Variants in MMP26 observed in about 807,000 individuals in gnomAD.
MMP26 encodes the protein matrix metalloproteinase-26.
In MMP26, 33 loss-of-function variants were observed where a neutral mutation model predicts 31.0. The ratio of observed to expected loss-of-function variants is 1.06; its 90% CI spans 0.81 to 1.42. The LOEUF is 1.42. Among genes scored for constraint, MMP26 ranks in the 40% most tolerant of loss-of-function variants. MMP26 has a pLI of 0.00. For missense variants in MMP26, 347 were observed against 316.1 expected (o/e 1.10, Z -0.74); for synonymous variants, 122 against 114.9 (o/e 1.06, Z -0.40).
chr11:4,845,865 G>A (rs563923329), intron 2 of MMP26, among the ~76,000 whole-genome samples: 1 of 152,292 alleles, frequency 6.6e-6, no homozygotes, highest in South Asian at 2.1e-4. Flanking sequence ...TTGATCATCA[G>A]AGAAACTCAA....
At position 4,856,628 on chromosome 11, in the gene MMP26, G is replaced by C. The variant is rs559995519; in HGVS notation, c.-145+89287G>C. Among the ~76,000 whole-genome samples, 9 of 152,114 alleles carry C rather than the reference G, an allele frequency of 5.9e-5. No homozygotes were observed. The South Asian group carries it at 6.2e-4, about 11-fold the overall frequency. On this transcript the variant is annotated intron_variant, in intron 2 of 7. Transcript: ENST00000380390. ...ACTCCCACACAATAATAATGGGAGG[G>C]TTTAACACCCCACTGTCAACATTAG...
chr11:4,960,742 TATATTTATTTAC>T lies in MMP26; in HGVS notation c.-144-27323_-144-27312del, dbSNP rs1474064841. On this transcript the variant is annotated intron_variant, in intron 2 of 7. Coordinates refer to ENST00000380390, the MANE Select transcript of MMP26 (RefSeq NM_021801.5). ...ACATTTCTGAAAAAAATATTTAAAA[TATATTTATTTAC>T]ATTTAAAAAGGGGATTTATTTGAGA... Among the ~76,000 whole-genome samples, 57 of 152,126 alleles carry T rather than the reference TATATTTATTTAC, an allele frequency of 3.7e-4. No homozygotes were observed. The South Asian group carries it at 0.011, about 29-fold the overall frequency.
intron 1 of MMP26, among the ~76,000 whole-genome samples, chr11:4,740,017 T>C (rs557785556): frequency 6.6e-5 from 10 of 152,218 alleles, no homozygotes; most frequent in Non-Finnish European, 1.3e-4. Flanking sequence ...ATTTCAGGTA[T>C]GGATTATAGT....
chr11:4,758,006 T>TCTCC (rs1848525471), intron 1 of MMP26, among the ~76,000 whole-genome samples: 1 of 152,182 alleles, frequency 6.6e-6, no homozygotes. Context: ...CTCCTTGGAC[T>TCTCC]CTACCAAAGA....
intron 2 of MMP26, among the ~76,000 whole-genome samples, chr11:4,824,493 T>C (rs1029035992): frequency 6.6e-6 from 1 of 152,146 alleles, no homozygotes; most frequent in African/African-American, 2.4e-5. Flanking sequence ...GCATCTTTCA[T>C]TGTTATGTGT....
intron 2 of MMP26, among the ~76,000 whole-genome samples, chr11:4,851,019 C>T (rs1430593703): frequency 6.6e-6 from 1 of 152,138 alleles, no homozygotes; most frequent in Non-Finnish European, 1.5e-5. Flanking sequence ...ACATTCATTT[C>T]CAGTGTGATG....
chr11:4,956,086 T>C (rs962003771), intron 2 of MMP26, among the ~76,000 whole-genome samples: 1 of 152,208 alleles, frequency 6.6e-6, no homozygotes, highest in Non-Finnish European at 1.5e-5. Context: ...ATTCTTTCTT[T>C]CAGATGTATG....
chr11:4,740,550 G>T (rs768643557), intron 1 of MMP26, among the ~76,000 whole-genome samples: 10 of 151,978 alleles, frequency 6.6e-5, no homozygotes, highest in Non-Finnish European at 1.5e-4. Flanking sequence ...GGGCATGAGG[G>T]TGGGCGCCTG....
At chr11:4,979,882 T>G (rs998894092) in intron 2 of MMP26, among the ~76,000 whole-genome samples, 7 of 152,054 alleles carry the variant, frequency 4.6e-5, no homozygotes, top group African/African-American at 9.7e-5. Context: ...CAGAAATAAT[T>G]CATGTTTATA....
intron 2 of MMP26, among the ~76,000 whole-genome samples, chr11:4,843,022 C>G (rs1314238508): frequency 1.3e-5 from 2 of 152,160 alleles, no homozygotes; most frequent in Non-Finnish European, 2.9e-5. Flanking sequence ...CTCCTCTGAC[C>G]CCATGTCTCT....
chr11:4,882,066 G>T, intron 2 of MMP26: 3 of 1,613,858 alleles, frequency 1.9e-6, no homozygotes, highest in Non-Finnish European at 2.5e-6. Context: ...ACTAAGCGGA[G>T]ACTCCACAAA....
chr11:4,769,987 T>A, intron 2 of MMP26: 3 of 747,224 alleles, frequency 4.0e-6, no homozygotes, highest in Non-Finnish European at 6.8e-6. Flanking sequence ...TTAAGTGTTA[T>A]GTAAAATATT....
chr11:4,782,263 A>G (rs1351407270), intron 2 of MMP26, among the ~76,000 whole-genome samples: 1 of 152,210 alleles, frequency 6.6e-6, no homozygotes, highest in African/African-American at 2.4e-5. Context: ...GATACGGACA[A>G]TGAAACCCAG....
At chr11:4,946,719 T>A in intron 2 of MMP26, 2 of 1,589,754 alleles carry the variant, frequency 1.3e-6, no homozygotes, top group Non-Finnish European at 1.7e-6. Flanking sequence ...GGGTTGTGGA[T>A]GGCTAGGAAT....
chr11:4,976,364 T>C (rs1846735865), intron 2 of MMP26, among the ~76,000 whole-genome samples: 1 of 152,066 alleles, frequency 6.6e-6, no homozygotes, highest in African/African-American at 2.4e-5. Flanking sequence ...TTGTCAAACC[T>C]TGAGTATATG....
In MMP26 at chr11:4,860,754, C is replaced by A. The variant is rs569959159; in HGVS notation, c.-145+93413C>A. ...TGTCTTTTTCCTTCCTACACAGTCACATGTGATTACCTCCCTTCTCTTGGA... is the reference window on the plus strand; with the variant it reads ...TGTCTTTTTCCTTCCTACACAGTCAAATGTGATTACCTCCCTTCTCTTGGA... On this transcript the variant is annotated intron_variant, in intron 2 of 7. Coordinates refer to ENST00000380390, the MANE Select transcript of MMP26 (RefSeq NM_021801.5). 28 of 259,730 alleles carry A rather than the reference C, an allele frequency of 1.1e-4. 1 individual carries two copies. Among genetic ancestry groups the A allele is most frequent in the African/African-American group, 6.1e-4 (27 of 43,938 alleles). 16.1% of individuals were successfully genotyped at this position (259,730 alleles called of 1,614,324 possible). A position where few individuals can be genotyped will look rare whatever the true frequency, so the allele number is the denominator to read the frequency against.
intron 2 of MMP26, among the ~76,000 whole-genome samples, chr11:4,965,840 C>A (rs1164178065): frequency 6.6e-6 from 1 of 152,182 alleles, no homozygotes; most frequent in African/African-American, 2.4e-5. Context: ...GCATCCATTC[C>A]TATACTTATA....
At chr11:4,975,679 C>T (rs1440574212) in intron 2 of MMP26, among the ~76,000 whole-genome samples, 1 of 152,020 alleles carries the variant, frequency 6.6e-6, no homozygotes, top group African/African-American at 2.4e-5. Flanking sequence ...ACAGCCAGTT[C>T]AGGCTTCACT....
intron 2 of MMP26, among the ~76,000 whole-genome samples, chr11:4,935,929 A>C (rs1423172961): frequency 3.8e-5 from 5 of 130,708 alleles, no homozygotes; most frequent in Middle Eastern, 7.6e-3. Flanking sequence ...GATGAAGCCC[A>C]CTTGATCATG....
Sources: allele counts gnomAD v4.1 joint callset (sites outside exome capture counted in the v4.1 genomes callset), GRCh38; gene constraint gnomAD v4.1.1; transcripts MANE v1.5; gene names NCBI Gene and HGNC (gene_info 2026-07-23, HGNC 2026-07-21).